Variants in TMEM43 observed in about 807,000 individuals in gnomAD.
The protein encoded by TMEM43 is transmembrane protein 43.
A neutral mutation model predicts 49.6 loss-of-function variants in TMEM43; 45 were observed. The ratio of observed to expected loss-of-function variants is 0.91; its 90% confidence interval spans 0.71 to 1.16. The LOEUF is 1.16. TMEM43 is among the 50% of genes most tolerant of loss of function. The pLI, the probability that TMEM43 is intolerant of heterozygous loss-of-function variation, is 0.00. For missense variants in TMEM43, 532 were observed against 516.6 expected, an observed-to-expected ratio of 1.03 and a Z score of -0.29; for synonymous variants, 199 against 207.8, an observed-to-expected ratio of 0.96 and a Z score of 0.36.
chr3:14,129,550 T>G lies in TMEM43; in HGVS notation c.151T>G (p.Phe51Val). ...MAFLLSFYLI[F>V]TNEGRALKTA... The stretch of plus-strand genomic sequence containing the variant: ...CTTCCTGCTCTCCTTCTACCTAATT[T>G]TCACCAATGAGGTAAAATGTCTGGG... The change falls in exon 2 of 12, where the codon TTC (phenylalanine) becomes GTC (valine). Residue 51 changes from phenylalanine (F) to valine (V), a missense_variant. By Grantham distance (50) the Phe-to-Val change is conservative. Transcript: ENST00000306077. The G allele has an allele frequency of 1.2e-6, 2 of 1,614,074 alleles. No individual in the cohort carries two copies. Among genetic ancestry groups the G allele is most frequent in the Non-Finnish European group, 1.7e-6 (2 of 1,180,008 alleles).
intron 3 of TMEM43, among the ~76,000 whole-genome samples, 153 bp from the exon 4 acceptor site, chr3:14,131,427 C>T (rs1695093871): frequency 6.6e-6 from 1 of 152,264 alleles, no homozygotes; most frequent in Non-Finnish European, 1.5e-5. Flanking sequence ...AGGGAGTGTC[C>T]TCGATTCTCC....
In TMEM43 at chr3:14,136,027, G is replaced by C. The variant is rs779090096; in HGVS notation, c.882+119G>C. 9.0e-6 allele frequency: 8 copies of C among 884,256 alleles called. No individual in the cohort carries two copies. In the Admixed American group the frequency reaches 1.5e-4, roughly 17 times the overall value. 54.8% of individuals were successfully genotyped at this position (884,256 alleles called of 1,614,324 possible). On this transcript the variant is annotated intron_variant, in intron 10 of 11. Coordinates refer to ENST00000306077, the MANE Select transcript of TMEM43 (RefSeq NM_024334.3). The stretch of plus-strand genomic sequence containing the variant: ...TAGCCAGTGAATGAGGCAAGAAGAA[G>C]AAATAGCGGAATGTTGAGTATGCCT...
At chr3:14,134,956 C>G in intron 8 of TMEM43, 65 bp downstream of exon 8, 2 of 1,609,078 alleles carry the variant, frequency 1.2e-6, no homozygotes, top group Non-Finnish European at 1.7e-6. Context: ...GTTCCTGCGC[C>G]AGGCAGATTC....
chr3:14,140,755 C>G (rs1412076700), intron 11 of TMEM43, among the ~76,000 whole-genome samples: 3 of 152,206 alleles, frequency 2.0e-5, no homozygotes, highest in African/African-American at 7.2e-5. Context: ...CTAACACAGG[C>G]AACGTTCAGA....
chr3:14,135,220 C>T lies in TMEM43; in HGVS notation c.768C>T (p.Gly256=), dbSNP rs955293392. ...AGLSGDDPDL[G]PAHVVTVIAR... ...TGAGCGGCGATGACCCTGACCTGGG[C>T]CCAGCTCACGTGGTAACCTGGCTTC... is the stretch of plus-strand genomic sequence containing the variant. Residue 256 remains glycine (G), a synonymous_variant, in exon 9 of 12, where the codon GGC becomes GGT. Transcript: ENST00000306077. 1 of 1,612,106 alleles carries T rather than the reference C, an allele frequency of 6.2e-7. No homozygotes were observed. The highest frequency in any genetic ancestry group is 8.5e-7 in the Non-Finnish European group (1 of 1,179,922).
At chr3:14,135,691 G>C (rs1372804137) in intron 9 of TMEM43, 116 bp from the exon 10 acceptor site, 1 of 768,862 alleles carries the variant, frequency 1.3e-6, no homozygotes, top group Non-Finnish European at 2.2e-6. Flanking sequence ...GAAGCCCCAG[G>C]GTTTCTGTGC....
In TMEM43 at chr3:14,143,662, A is replaced by G. The variant is rs886058043; in HGVS notation, c.*1867A>G. The stretch of plus-strand genomic sequence containing the variant: ...TTGTATTTTTTATTAAAAGTTTTGT[A>G]ATAAATTTCTAAATTATCTTCTGGT... On this transcript the variant is annotated 3_prime_UTR_variant, in exon 12 of 12. Coordinates refer to ENST00000306077, the MANE Select transcript of TMEM43 (RefSeq NM_024334.3). The G allele has an allele frequency of 1.3e-5, 2 of 152,214 alleles. No homozygotes were observed. Among genetic ancestry groups the G allele is most frequent in the East Asian group, 3.8e-4 (2 of 5,200 alleles). 9.4% of individuals were successfully genotyped at this position (152,214 alleles called of 1,614,324 possible).
chr3:14,130,829 C>G lies in TMEM43; in HGVS notation c.170C>G (p.Ala57Gly). Residue 57 changes from alanine to glycine, a missense_variant, in exon 3 of 12, where the codon GCA becomes GGA. Physicochemically the swap from Ala to Gly is moderately conservative, Grantham distance 60. Coordinates refer to ENST00000306077, the MANE Select transcript of TMEM43 (RefSeq NM_024334.3). ...FYLIFTNEGR[A>G]LKTATSLAEG... ...ACTCCCCTTTGCTCCCAGGGCCGCG[C>G]ATTGAAGACGGCAACCTCATTGGCT... is the stretch of plus-strand genomic sequence containing the variant. The G allele has an allele frequency of 1.2e-6, 2 of 1,613,838 alleles. No individual in the cohort carries two copies. The highest frequency in any genetic ancestry group is 1.7e-6 in the Non-Finnish European group (2 of 1,179,910).
intron 1 of TMEM43, chr3:14,128,821 G>T (rs1178483652): frequency 7.7e-6 from 3 of 388,948 alleles, no homozygotes; most frequent in Admixed American, 3.0e-5. Context: ...AAAGGTTCAT[G>T]TATGAATATT....
chr3:14,134,349 C>T (rs553720444), intron 7 of TMEM43, among the ~76,000 whole-genome samples: 2 of 152,276 alleles, frequency 1.3e-5, no homozygotes, highest in South Asian at 4.1e-4. Context: ...TACCAAGGGC[C>T]CAGATAGTCC....
chr3:14,129,634 G>T (rs1488248435), intron 2 of TMEM43, 73 bp downstream of exon 2: 1 of 1,565,216 alleles, frequency 6.4e-7, no homozygotes, highest in Admixed American at 1.7e-5. Context: ...GATGAACCCG[G>T]AGGCTGGATT....
At chr3:14,131,766 T>C in intron 4 of TMEM43, 92 bp downstream of exon 4, 1 of 900,916 alleles carries the variant, frequency 1.1e-6, no homozygotes, top group Non-Finnish European at 1.8e-6. Context: ...TTTTGATACC[T>C]TTGAAACTCA....
chr3:14,130,280 G>C (rs775403046), intron 2 of TMEM43, among the ~76,000 whole-genome samples: 19 of 152,054 alleles, frequency 1.2e-4, no homozygotes, highest in Non-Finnish European at 2.2e-4. Context: ...TGACTGGCAA[G>C]GTCTGGGTCC....
chr3:14,141,529 G>A (rs1224904532), intron 11 of TMEM43, 64 bp from the exon 12 acceptor site: 4 of 1,474,308 alleles, frequency 2.7e-6, no homozygotes, highest in South Asian at 2.3e-5. Flanking sequence ...AGGGACAGGA[G>A]AGATCTGCTG....
At chr3:14,135,100 C>A in intron 8 of TMEM43, 58 bp from the exon 9 acceptor site, 2 of 1,550,132 alleles carry the variant, frequency 1.3e-6, no homozygotes, top group Non-Finnish European at 1.8e-6. Context: ...GCATCCTGGA[C>A]CTGGGCCTGG....
Position 14,139,241 on chromosome 3 carries a change from G to T in TMEM43, c.944G>T (p.Gly315Val), listed in dbSNP as rs1175798316. Residue 315 changes from glycine to valine, a missense_variant, in exon 11 of 12, where the codon GGC (glycine) becomes GTC (valine). Coordinates refer to ENST00000306077, the MANE Select transcript of TMEM43 (RefSeq NM_024334.3). ...AAGACCTGGGGCCTGCGGGCAGCTG[G>T]CTGGATGGCCATGTTCATGGGCCTC... ...SMKTWGLRAAGWMAMFMGLNL... is the reference protein window; with the variant it reads ...SMKTWGLRAAVWMAMFMGLNL... 6.2e-7 allele frequency: 1 copy of T among 1,614,126 alleles called. No individual in the cohort carries two copies. The highest frequency in any genetic ancestry group is 1.3e-5 in the African/African-American group (1 of 74,944).
intron 5 of TMEM43, 56 bp from the exon 6 acceptor site, chr3:14,132,810 T>C: frequency 6.5e-7 from 1 of 1,547,848 alleles, no homozygotes; most frequent in Non-Finnish European, 8.9e-7. Flanking sequence ...GGCTGGTGGG[T>C]CTCAGCCGCG....
intron 11 of TMEM43, 52 bp downstream of exon 11, chr3:14,139,349 C>T (rs765139877): frequency 1.6e-6 from 2 of 1,287,894 alleles, no homozygotes; most frequent in South Asian, 1.2e-5. Flanking sequence ...GAAAGGGCCT[C>T]CTCTGCCTGT....
At chr3:14,128,684 A>G (rs1238507372) in intron 1 of TMEM43, among the ~76,000 whole-genome samples, 1 of 152,268 alleles carries the variant, frequency 6.6e-6, no homozygotes, top group East Asian at 1.9e-4. Context: ...TTAAAAATAC[A>G]TCTCTAATAA....
Sources: allele counts gnomAD v4.1 joint callset (sites outside exome capture counted in the v4.1 genomes callset), GRCh38; gene constraint gnomAD v4.1.1; transcripts MANE v1.5; gene names NCBI Gene and HGNC (gene_info 2026-07-23, HGNC 2026-07-21).